Variants in MRTFA observed in about 807,000 individuals in gnomAD.
MRTFA encodes the protein myocardin-related transcription factor A.
MRTFA carries 20 observed loss-of-function variants against 83.5 expected under a neutral mutation model. The observed-to-expected ratio is 0.24, with a 90% CI of 0.17 to 0.35. The LOEUF (loss-of-function observed/expected upper bound fraction) is 0.35. Ranked by LOEUF, MRTFA falls within the 10% of genes least tolerant of loss-of-function variation. The pLI, the probability that MRTFA is intolerant of heterozygous loss-of-function variation, is 1.00. For missense variants in MRTFA, 1,200 were observed against 1,224.7 expected, an observed-to-expected ratio of 0.98 and a Z score of 0.30; for synonymous variants, 659 against 541.2, an observed-to-expected ratio of 1.22 and a Z score of -3.02.
chr22:40,585,157 A>G (rs946829095), intron 2 of MRTFA, among the ~76,000 whole-genome samples: 1 of 152,248 alleles, frequency 6.6e-6, no homozygotes, highest in Non-Finnish European at 1.5e-5. Flanking sequence ...AAGAGGAAAC[A>G]AGGCAGTCCA....
chr22:40,527,063 C>G (rs567381472), intron 3 of MRTFA, among the ~76,000 whole-genome samples: 37 of 152,048 alleles, frequency 2.4e-4, no homozygotes, highest in African/African-American at 8.9e-4. Context: ...AAGGTTGAGT[C>G]TGCAGTGAAC....
At chr22:40,606,320 T>C (rs1316621453) in intron 1 of MRTFA, among the ~76,000 whole-genome samples, 1 of 152,208 alleles carries the variant, frequency 6.6e-6, no homozygotes, top group Non-Finnish European at 1.5e-5. Context: ...ATAAAGTTAG[T>C]TATGCTCAAA....
intron 3 of MRTFA, among the ~76,000 whole-genome samples, chr22:40,529,467 C>T (rs1266241684): frequency 6.6e-6 from 1 of 152,094 alleles, no homozygotes; most frequent in South Asian, 2.1e-4. Context: ...CAGGCACCCA[C>T]CACCATGCCC....
Position 40,411,927 on chromosome 22 carries a change from G to A in MRTFA, c.2579-20C>T, listed in dbSNP as rs765041655. 24 of 1,466,102 alleles carry A rather than the reference G, an allele frequency of 1.6e-5. No homozygotes were observed. Among genetic ancestry groups the A allele is most frequent in the Non-Finnish European group, 2.2e-5 (24 of 1,106,534 alleles). The allele number at this position is 1,466,102 out of a possible 1,614,324, so 90.8% of individuals were successfully genotyped here. A position where few individuals can be genotyped will look rare whatever the true frequency, so the allele number is the denominator to read the frequency against. On this transcript the variant is annotated intron_variant, in intron 14 of 14. Coordinates refer to ENST00000355630, the MANE Select transcript of MRTFA (RefSeq NM_020831.6). ...AAATTTCTGCCAATCAATCAAGAGAGTAAATGGATATCAGAAGCCAAGCCT... is the reference window on the plus strand; with the variant it reads ...AAATTTCTGCCAATCAATCAAGAGAATAAATGGATATCAGAAGCCAAGCCT...
chr22:40,578,651 G>T (rs2055902614), intron 2 of MRTFA, among the ~76,000 whole-genome samples: 1 of 152,162 alleles, frequency 6.6e-6, no homozygotes, highest in Non-Finnish European at 1.5e-5. Flanking sequence ...GCCAGGCACT[G>T]TGGGTCACAC....
intron 3 of MRTFA, among the ~76,000 whole-genome samples, chr22:40,488,829 G>A (rs574793875): frequency 8.6e-5 from 13 of 152,012 alleles, no homozygotes; most frequent in East Asian, 1.9e-4. Flanking sequence ...GCAAAACTCC[G>A]TCTCAAAAAA....
intron 3 of MRTFA, among the ~76,000 whole-genome samples, chr22:40,520,361 T>G (rs947747178): frequency 2.0e-5 from 3 of 152,176 alleles, no homozygotes; most frequent in African/African-American, 4.8e-5. Flanking sequence ...ACACAATATG[T>G]GGCCTTTTAT....
At chr22:40,480,021 T>G (rs2147182821) in intron 3 of MRTFA, among the ~76,000 whole-genome samples, 1 of 152,264 alleles carries the variant, frequency 6.6e-6, no homozygotes, top group Non-Finnish European at 1.5e-5. Flanking sequence ...GTCTCTATAT[T>G]GTGTAATAAC....
chr22:40,533,062 C>T (rs184162442), intron 3 of MRTFA, among the ~76,000 whole-genome samples: 2 of 152,306 alleles, frequency 1.3e-5, no homozygotes, highest in African/African-American at 4.8e-5. Flanking sequence ...TGTTGACTGA[C>T]TCTTTGCTCA....
rs142222816 is a variant in MRTFA, at chr22:40,621,544, G to A, written c.-84+14934C>T. Among the ~76,000 whole-genome samples the A allele has an allele frequency of 1.4e-3, 208 of 152,248 alleles. 2 individuals are homozygous for A. The highest frequency in any genetic ancestry group is 4.5e-3 in the African/African-American group (185 of 41,542). ...AAAAAGAGTTCTGGAGATGAACGGC[G>A]GTGATGGTTTCACAATATGAATGTA... On this transcript the variant is annotated intron_variant, in intron 1 of 14. Transcript: ENST00000355630.
At chr22:40,493,075 C>T (rs1352378545) in intron 3 of MRTFA, among the ~76,000 whole-genome samples, 2 of 152,158 alleles carry the variant, frequency 1.3e-5, no homozygotes. Flanking sequence ...GCTTACCTCA[C>T]CATTTGATTT....
intron 3 of MRTFA, among the ~76,000 whole-genome samples, chr22:40,531,325 G>A (rs888121972): frequency 7.0e-6 from 1 of 143,662 alleles, no homozygotes; most frequent in Admixed American, 7.3e-5. Context: ...TTGGGCTTAA[G>A]CGATCCTCCT....
chr22:40,621,381 T>C (rs1473614498), intron 1 of MRTFA, among the ~76,000 whole-genome samples: 1 of 152,138 alleles, frequency 6.6e-6, no homozygotes, highest in African/African-American at 2.4e-5. Context: ...ACAAATATTG[T>C]ATGGTTCCAC....
intron 3 of MRTFA, among the ~76,000 whole-genome samples, chr22:40,467,862 T>C (rs1008864578): frequency 2.6e-5 from 4 of 152,220 alleles, no homozygotes; most frequent in African/African-American, 9.6e-5. Context: ...AAATTTAATA[T>C]ATCATGTTTC....
intron 4 of MRTFA, among the ~76,000 whole-genome samples, chr22:40,448,446 C>A (rs551527975): frequency 6.6e-6 from 1 of 152,286 alleles, no homozygotes; most frequent in South Asian, 2.1e-4. Context: ...TGCACTCCAG[C>A]CTAGGCAACA....
At chr22:40,431,624 G>A (rs891573417) in intron 5 of MRTFA, 144 bp from the exon 6 acceptor site, 17 of 754,082 alleles carry the variant, frequency 2.3e-5, no homozygotes, top group Admixed American at 6.4e-5. Context: ...TGCAGGGTTC[G>A]GAGGCAAGAG....
At chr22:40,565,091 A>G (rs1386028290) in intron 2 of MRTFA, among the ~76,000 whole-genome samples, 4 of 152,238 alleles carry the variant, frequency 2.6e-5, no homozygotes, top group Non-Finnish European at 4.4e-5. Flanking sequence ...ACAGAAAAAA[A>G]GTAAAATATG....
chr22:40,583,411 A>C lies in MRTFA; in HGVS notation c.-22+11263T>G, dbSNP rs905455877. Among the ~76,000 whole-genome samples the C allele has an allele frequency of 2.0e-5, 3 of 152,280 alleles. No homozygotes were observed. The East Asian group carries it at 5.8e-4, about 29-fold the overall frequency. On this transcript the variant is annotated intron_variant, in intron 2 of 14. Coordinates refer to ENST00000355630, the MANE Select transcript of MRTFA (RefSeq NM_020831.6). ...AAGAAGAGGACAATTCCCCAGCTTT[A>C]CCTCTGGCTGGATTAGGCACACTCA...
At chr22:40,417,581 C>G (rs1478675313) in intron 12 of MRTFA, 88 bp from the exon 13 acceptor site, 2 of 782,772 alleles carry the variant, frequency 2.6e-6, no homozygotes, top group African/African-American at 3.5e-5. Context: ...GGGATAGGGC[C>G]AGGGCCTCTC....
Sources: allele counts gnomAD v4.1 joint callset (sites outside exome capture counted in the v4.1 genomes callset), GRCh38; gene constraint gnomAD v4.1.1; transcripts MANE v1.5; gene names NCBI Gene and HGNC (gene_info 2026-07-23, HGNC 2026-07-21).